The following SPOCK1 variants were observed in gnomAD, a reference collection of about 807,000 sequenced individuals.
SPOCK1 encodes testican-1.
A neutral mutation model predicts 55.3 loss-of-function variants in SPOCK1; 23 were observed. The observed-to-expected ratio is 0.42, with a 90% confidence interval of 0.30 to 0.59. SPOCK1 has a LOEUF of 0.59. SPOCK1 is among the 20% of genes least tolerant of loss of function. SPOCK1 has a pLI of 0.22. For missense variants in SPOCK1, 499 were observed against 552.5 expected (o/e 0.90, Z 0.97); for synonymous variants, 226 against 221.0 (o/e 1.02, Z -0.20).
chr5:137,279,758 T>C (rs1370905676), intron 2 of SPOCK1, among the ~76,000 whole-genome samples: 2 of 152,218 alleles, frequency 1.3e-5, no homozygotes, highest in Non-Finnish European at 2.9e-5. Context: ...GGCTAAGCCA[T>C]GACACTGTAT....
intron 2 of SPOCK1, among the ~76,000 whole-genome samples, chr5:137,311,753 C>A (rs1412892609): frequency 6.6e-6 from 1 of 151,956 alleles, no homozygotes; most frequent in Non-Finnish European, 1.5e-5. Context: ...TCACTGTTAA[C>A]ATTTTGATGT....
At chr5:137,350,739 C>T (rs1179000857) in intron 2 of SPOCK1, among the ~76,000 whole-genome samples, 1 of 151,974 alleles carries the variant, frequency 6.6e-6, no homozygotes, top group Non-Finnish European at 1.5e-5. Context: ...TGGGGCCTAA[C>T]ACAAAATGAA....
chr5:136,976,862 T>C lies in SPOCK1; in HGVS notation c.*1792A>G, dbSNP rs560215801. 6.6e-6 allele frequency: 1 copy of C among 152,362 alleles called. No homozygotes were observed. Among genetic ancestry groups the C allele is most frequent in the South Asian group, 2.1e-4 (1 of 4,830 alleles). The allele number at this position is 152,362 out of a possible 1,614,324, so 9.4% of individuals were successfully genotyped here. Reference sequence around the variant, plus strand: ...GTATGATGCTACTGTATTCAGGCAATGCCGACTGGATTGGAACATGCTAAT... The same window carrying C: ...GTATGATGCTACTGTATTCAGGCAACGCCGACTGGATTGGAACATGCTAAT... On this transcript the variant is annotated 3_prime_UTR_variant, in exon 11 of 11. Transcript: ENST00000394945.
At chr5:137,448,132 C>T (rs762957768) in intron 2 of SPOCK1, among the ~76,000 whole-genome samples, 4 of 152,160 alleles carry the variant, frequency 2.6e-5, no homozygotes, top group Non-Finnish European at 4.4e-5. Flanking sequence ...CCTGTAATCC[C>T]AGCTACTCAG....
chr5:137,004,871 G>C (rs939694996), intron 6 of SPOCK1, among the ~76,000 whole-genome samples: 1 of 152,178 alleles, frequency 6.6e-6, no homozygotes, highest in Non-Finnish European at 1.5e-5. Flanking sequence ...TGAAGTGATA[G>C]ACTTCTTGTT....
intron 2 of SPOCK1, among the ~76,000 whole-genome samples, chr5:137,332,292 C>T (rs972818423): frequency 6.6e-6 from 1 of 152,146 alleles, no homozygotes; most frequent in African/African-American, 2.4e-5. Context: ...GAGAGGGCTT[C>T]CTGCCCATTA....
intron 3 of SPOCK1, among the ~76,000 whole-genome samples, chr5:137,244,536 C>A (rs1053166743): frequency 6.6e-6 from 1 of 152,198 alleles, no homozygotes; most frequent in Non-Finnish European, 1.5e-5. Flanking sequence ...AAATTAATTT[C>A]TGACAGAACT....
chr5:137,253,027 C>T (rs530077070), intron 3 of SPOCK1, among the ~76,000 whole-genome samples: 16 of 152,322 alleles, frequency 1.1e-4, no homozygotes, highest in Admixed American at 9.1e-4. Flanking sequence ...CCCCAAGCAC[C>T]TGAATGTCAG....
chr5:137,240,478 G>A (rs1002388136), intron 3 of SPOCK1, among the ~76,000 whole-genome samples: 11 of 152,176 alleles, frequency 7.2e-5, no homozygotes, highest in Admixed American at 1.3e-4. Context: ...TCATCAAGGG[G>A]ATGGGCTAAG....
chr5:137,161,567 C>G (rs1341735463), intron 3 of SPOCK1, among the ~76,000 whole-genome samples: 2 of 152,138 alleles, frequency 1.3e-5, no homozygotes, highest in East Asian at 3.9e-4. Flanking sequence ...GTCATGCTTC[C>G]CCTGGTTTTT....
At chr5:137,118,881 T>C (rs945093682) in intron 4 of SPOCK1, among the ~76,000 whole-genome samples, 4 of 152,222 alleles carry the variant, frequency 2.6e-5, no homozygotes, top group Non-Finnish European at 5.9e-5. Context: ...AGTAAAGCAA[T>C]TCCAGATAAT....
rs143946943 is a variant in SPOCK1, at chr5:137,498,383, C to T, written c.176G>A (p.Arg59His). The change falls in exon 2 of 11, where the codon CGC (arginine) becomes CAC (histidine). Residue 59 changes from arginine to histidine, a missense_variant. This residue lies in a region of SPOCK1 where 386 missense variants were observed against 400.6 expected (regional missense o/e 0.96). Coordinates refer to ENST00000394945, the MANE Select transcript of SPOCK1 (RefSeq NM_004598.4). ...GGCGCCGGTACTCACGTCTCGAAAG[C>T]GGTTCCAGTACTTGTCCCGGTCGTA... ...SQYDRDKYWN[R>H]FRDDDYFRNW... The T allele has an allele frequency of 8.8e-6, 14 of 1,598,976 alleles. No individual in the cohort carries two copies. Among genetic ancestry groups the T allele is most frequent in the Non-Finnish European group, 1.2e-5 (14 of 1,172,658 alleles).
chr5:137,443,595 T>C (rs1753061955), intron 2 of SPOCK1, among the ~76,000 whole-genome samples: 2 of 152,112 alleles, frequency 1.3e-5, no homozygotes, highest in African/African-American at 2.4e-5. Flanking sequence ...GGCTTCCCCA[T>C]GACCCCAAAC....
chr5:137,314,481 GCTTT>G (rs1399635764), intron 2 of SPOCK1, among the ~76,000 whole-genome samples: 1 of 152,156 alleles, frequency 6.6e-6, no homozygotes, highest in African/African-American at 2.4e-5. Flanking sequence ...CCAATGACAA[GCTTT>G]CTGAGTCTCA....
intron 2 of SPOCK1, among the ~76,000 whole-genome samples, chr5:137,374,522 C>T (rs191196027): frequency 1.3e-5 from 2 of 152,314 alleles, no homozygotes; most frequent in African/African-American, 4.8e-5. Flanking sequence ...CAGAGGCACT[C>T]CAACACGCTG....
intron 5 of SPOCK1, among the ~76,000 whole-genome samples, chr5:137,098,108 A>G (rs1454426925): frequency 6.6e-6 from 1 of 152,260 alleles, no homozygotes; most frequent in South Asian, 2.1e-4. Context: ...TGTGACACAT[A>G]CTGTTCGATG....
intron 3 of SPOCK1, among the ~76,000 whole-genome samples, chr5:137,224,919 C>G (rs1755918189): frequency 6.6e-6 from 1 of 152,110 alleles, no homozygotes; most frequent in South Asian, 2.1e-4. Context: ...ATTTAATAGG[C>G]AGTCATTCAC....
chr5:137,332,153 G>A lies in SPOCK1; in HGVS notation c.187-65098C>T, dbSNP rs1012600794. ...CCAGCTCTCCACTCCAACCTCCCCA[G>A]GCACCCAGCTTTTCATGCTCTTTTC... is the stretch of plus-strand genomic sequence containing the variant. On this transcript the variant is annotated intron_variant, in intron 2 of 10. Transcript: ENST00000394945. Among the ~76,000 whole-genome samples, 3 of 151,858 alleles carry A rather than the reference G, an allele frequency of 2.0e-5. 1 individual carries two copies. The highest frequency in any genetic ancestry group is 4.4e-5 in the Non-Finnish European group (3 of 67,974).
At chr5:137,155,550 A>G (rs1238740123) in intron 3 of SPOCK1, among the ~76,000 whole-genome samples, 1 of 152,212 alleles carries the variant, frequency 6.6e-6, no homozygotes, top group Non-Finnish European at 1.5e-5. Flanking sequence ...CAGAAAGGAG[A>G]TGAAATACGG....
Sources: gnomAD v4.1 joint callset for allele counts (sites outside exome capture counted in the v4.1 genomes callset) on GRCh38, gnomAD v4.1.1 for gene constraint, gnomAD v4.1.1 regional missense constraint, MANE v1.5 for transcripts, NCBI Gene and HGNC (gene_info 2026-07-23, HGNC 2026-07-21) for gene names.